Variants in EPHA6 observed in about 807,000 individuals in gnomAD.
The protein encoded by EPHA6 is ephrin type-A receptor 6.
A neutral mutation model predicts 112.0 loss-of-function variants in EPHA6; 50 were observed. The observed-to-expected ratio is 0.45, with a 90% confidence interval of 0.36 to 0.56. The LOEUF (loss-of-function observed/expected upper bound fraction) is 0.56. EPHA6 is among the 20% of genes least tolerant of loss of function. The pLI, the probability that EPHA6 is intolerant of heterozygous loss-of-function variation, is 0.00. For missense variants in EPHA6, 1,280 were observed against 1,417.4 expected (o/e 0.90, Z 1.56); for synonymous variants, 529 against 490.7 (o/e 1.08, Z -1.03).
chr3:97,048,264 T>C (rs2045576346), intron 3 of EPHA6, among the ~76,000 whole-genome samples: 1 of 152,132 alleles, frequency 6.6e-6, no homozygotes, highest in Non-Finnish European at 1.5e-5. Context: ...ACTAAGAATA[T>C]AGTAGTTGGG....
rs1005732929 is a variant in EPHA6, at chr3:96,982,081, T to C, written c.451-5249T>C. Among the ~76,000 whole-genome samples, 49 of 152,328 alleles carry C rather than the reference T, an allele frequency of 3.2e-4. 2 individuals carry two copies. Among genetic ancestry groups the C allele is most frequent in the Admixed American group, 3.1e-3 (48 of 15,300 alleles). The stretch of plus-strand genomic sequence containing the variant: ...CAGTTCTTCTCTAATCTTAGTTATT[T>C]CTTGCCTTCTGCTAGCTTTTGAATG... On this transcript the variant is annotated intron_variant, in intron 2 of 17. Coordinates refer to ENST00000389672, the MANE Select transcript of EPHA6 (RefSeq NM_001080448.3).
chr3:97,259,074 T>C (rs1044860674), intron 5 of EPHA6, among the ~76,000 whole-genome samples: 2 of 152,176 alleles, frequency 1.3e-5, no homozygotes, highest in Non-Finnish European at 2.9e-5. Context: ...CTTAAAGTTG[T>C]GCAGTTGTTC....
At chr3:96,927,821 G>A (rs941928490) in intron 2 of EPHA6, among the ~76,000 whole-genome samples, 7 of 151,932 alleles carry the variant, frequency 4.6e-5, no homozygotes, top group African/African-American at 9.7e-5. Context: ...TCCTGTATTC[G>A]TCCATTTTCA....
intron 3 of EPHA6, among the ~76,000 whole-genome samples, chr3:97,003,651 T>G (rs760339262): frequency 1.5e-4 from 23 of 152,170 alleles, no homozygotes; most frequent in Non-Finnish European, 3.1e-4. Context: ...GCTTTCCTAT[T>G]TCTTTTTTTC....
chr3:97,306,799 G>T (rs1363721952), intron 5 of EPHA6, among the ~76,000 whole-genome samples: 1 of 151,458 alleles, frequency 6.6e-6, no homozygotes, highest in Non-Finnish European at 1.5e-5. Flanking sequence ...TGGAATTTGG[G>T]CATCCCCCTA....
intron 3 of EPHA6, among the ~76,000 whole-genome samples, chr3:97,028,196 G>A (rs771443319): frequency 3.3e-5 from 5 of 152,116 alleles, no homozygotes; most frequent in South Asian, 2.1e-4. Context: ...GACTGATTTA[G>A]TAACTAGCTA....
chr3:97,133,079 G>T (rs1473178859), intron 3 of EPHA6, among the ~76,000 whole-genome samples: 3 of 152,002 alleles, frequency 2.0e-5, no homozygotes, highest in Non-Finnish European at 4.4e-5. Flanking sequence ...GATAACTGGT[G>T]TTCTTAAGAG....
At chr3:97,664,186 G>A (rs1404783389) in intron 14 of EPHA6, among the ~76,000 whole-genome samples, 2 of 152,088 alleles carry the variant, frequency 1.3e-5, no homozygotes, top group Non-Finnish European at 2.9e-5. Context: ...GGGGTTGTTT[G>A]TTTTTTTCTT....
intron 3 of EPHA6, among the ~76,000 whole-genome samples, chr3:97,055,952 G>A (rs2045837968): frequency 6.6e-6 from 1 of 151,268 alleles, no homozygotes; most frequent in African/African-American, 2.5e-5. Context: ...ATTTCCAAAT[G>A]TATTTAATTT....
intron 14 of EPHA6, among the ~76,000 whole-genome samples, chr3:97,672,098 T>C (rs1316262888): frequency 6.6e-6 from 1 of 152,128 alleles, no homozygotes; most frequent in Non-Finnish European, 1.5e-5. Context: ...TCTAGTTAAA[T>C]CCCAAATAAA....
chr3:97,320,280 A>G (rs1366599506), intron 5 of EPHA6, among the ~76,000 whole-genome samples: 2 of 152,154 alleles, frequency 1.3e-5, no homozygotes, highest in East Asian at 3.9e-4. Context: ...CTTCCATGAC[A>G]TCCTGCTATG....
At chr3:96,989,530 G>A (rs963577430) in intron 3 of EPHA6, among the ~76,000 whole-genome samples, 1 of 152,142 alleles carries the variant, frequency 6.6e-6, no homozygotes, top group African/African-American at 2.4e-5. Context: ...ACATTGGAAA[G>A]TGCATGTATT....
At chr3:97,116,836 T>A (rs2047901662) in intron 3 of EPHA6, among the ~76,000 whole-genome samples, 1 of 151,702 alleles carries the variant, frequency 6.6e-6, no homozygotes, top group African/African-American at 2.4e-5. Context: ...TATTATTTCC[T>A]TTGGACATAT....
At chr3:97,438,698 G>A (rs1560009154) in intron 6 of EPHA6, among the ~76,000 whole-genome samples, 1 of 152,096 alleles carries the variant, frequency 6.6e-6, no homozygotes, top group African/African-American at 2.4e-5. Flanking sequence ...TGACCTTAAG[G>A]CATGAGCCTA....
intron 2 of EPHA6, among the ~76,000 whole-genome samples, chr3:96,917,807 C>T (rs9829164): frequency 0.047 from 7,222 of 152,098 alleles, 501 homozygotes; most frequent in African/African-American, 0.15. Context: ...ACAGCCTCCC[C>T]GGGTGAGAAG....
At chr3:97,042,684 G>A (rs769205958) in intron 3 of EPHA6, among the ~76,000 whole-genome samples, 12 of 152,124 alleles carry the variant, frequency 7.9e-5, no homozygotes, top group East Asian at 3.9e-4. Flanking sequence ...CCCTGCTTTC[G>A]CTATAGCAGG....
At chr3:97,497,053 T>C (rs1313340354) in intron 10 of EPHA6, among the ~76,000 whole-genome samples, 1 of 152,136 alleles carries the variant, frequency 6.6e-6, no homozygotes, top group Non-Finnish European at 1.5e-5. Context: ...CCAACACCTC[T>C]CCTAGCCTCC....
rs1559616959 is a variant in EPHA6 at position 96,950,171 on chromosome 3, C to CGGGAAAGATGAAGGAAA, written c.451-37159_451-37158insGGGAAAGATGAAGGAAA. On this transcript the variant is annotated intron_variant, in intron 2 of 17. Coordinates refer to ENST00000389672, the MANE Select transcript of EPHA6 (RefSeq NM_001080448.3). ...TCCCAGCTTCATATTTCATCTTTCC[C>CGGGAAAGATGAAGGAAA]CATTAGTCTAATGTTCCAACCACAA... Among the ~76,000 whole-genome samples, 126 of 152,148 alleles carry CGGGAAAGATGAAGGAAA rather than the reference C, an allele frequency of 8.3e-4. 1 individual carries two copies. The highest frequency in any genetic ancestry group is 2.9e-3 in the African/African-American group (120 of 41,538).
Position 97,758,498 on chromosome 3 carries a change from T to A in EPHA6, c.*9797T>A, listed in dbSNP as rs1040817901. On this transcript the variant is annotated 3_prime_UTR_variant, in exon 18 of 18. Transcript: ENST00000389672. ...TAAGTCCATTCACTCCATTCAACTG[T>A]TTATTGAACACTACCATGTACCATT... Among the ~76,000 whole-genome samples, 1 of 151,902 alleles carries A rather than the reference T, an allele frequency of 6.6e-6. No homozygotes were observed. The highest frequency in any genetic ancestry group is 1.5e-5 in the Non-Finnish European group (1 of 67,844).
Sources: allele counts gnomAD v4.1 joint callset (sites outside exome capture counted in the v4.1 genomes callset), GRCh38; gene constraint gnomAD v4.1.1; transcripts MANE v1.5; gene names NCBI Gene and HGNC (gene_info 2026-07-23, HGNC 2026-07-21).